The following XXYLT1 variants were observed in gnomAD, a reference collection of about 807,000 sequenced individuals.
The protein encoded by XXYLT1 is UDP-xylose:alpha-xyloside alpha-1,3-xylosyltransferase.
Under a neutral mutation model 28.9 loss-of-function variants are expected in XXYLT1, and 20 were observed. The observed-to-expected ratio is 0.69, with a 90% CI of 0.49 to 1.00. XXYLT1 has a LOEUF of 1.00. XXYLT1 is among the 50% of genes least tolerant of loss of function. XXYLT1 has a pLI of 0.00. For synonymous variants in XXYLT1, 257 were observed against 253.8 expected, an observed-to-expected ratio of 1.01 and a Z score of -0.12; for missense variants, 542 against 560.1, an observed-to-expected ratio of 0.97 and a Z score of 0.33.
At chr3:195,112,318 G>A (rs927168062) in intron 3 of XXYLT1, among the ~76,000 whole-genome samples, 1 of 152,118 alleles carries the variant, frequency 6.6e-6, no homozygotes, top group Admixed American at 6.5e-5. Flanking sequence ...CAGAAGATCT[G>A]TCCACACTGA....
In XXYLT1 at chr3:195,086,659, G is replaced by A. The variant is rs925195489; in HGVS notation, c.786-16548C>T. Among the ~76,000 whole-genome samples the A allele has an allele frequency of 1.1e-4, 16 of 152,278 alleles. 1 individual carries two copies. The highest frequency in any genetic ancestry group is 3.6e-4 in the African/African-American group (15 of 41,562). On this transcript the variant is annotated intron_variant, in intron 3 of 3. Coordinates refer to ENST00000310380, the MANE Select transcript of XXYLT1 (RefSeq NM_152531.5). ...AGGTATGAGGAAGGTCACTCTGGCT[G>A]GGTGGGCACTGGCATGGAGGAGGAA...
chr3:195,175,640 G>A, intron 2 of XXYLT1: 1 of 1,536,134 alleles, frequency 6.5e-7, no homozygotes, highest in South Asian at 1.2e-5. Context: ...CCCGCACTCT[G>A]CCTTCCTGGA....
chr3:195,099,526 C>T (rs1449394629), intron 3 of XXYLT1, among the ~76,000 whole-genome samples: 2 of 152,122 alleles, frequency 1.3e-5, no homozygotes, highest in Non-Finnish European at 2.9e-5. Flanking sequence ...AACCATCTGA[C>T]GAAGAATTAA....
chr3:195,192,517 G>A (rs1219378000), intron 2 of XXYLT1, among the ~76,000 whole-genome samples: 2 of 151,946 alleles, frequency 1.3e-5, no homozygotes, highest in African/African-American at 4.8e-5. Flanking sequence ...AGACAAAAGA[G>A]AGCACAAGAA....
rs140284838 is a variant in XXYLT1, at chr3:195,182,438, C to T, written c.653-25857G>A. 8.7e-3 allele frequency among the ~76,000 whole-genome samples: 1,320 copies of T among 152,228 alleles called. 22 individuals are homozygous for T. Among genetic ancestry groups the T allele is most frequent in the African/African-American group, 0.03 (1,261 of 41,512 alleles). ...AGAGACTGGAAGGTAACATCTCCAT[C>T]CTAAAGGTTCTAAGTCTCATTCTCC... On this transcript the variant is annotated intron_variant, in intron 2 of 3. Coordinates refer to ENST00000310380, the MANE Select transcript of XXYLT1 (RefSeq NM_152531.5).
chr3:195,099,948 C>T (rs377158310), intron 3 of XXYLT1, among the ~76,000 whole-genome samples: 74 of 151,930 alleles, frequency 4.9e-4, no homozygotes, highest in African/African-American at 1.7e-3. Flanking sequence ...ATCTGTTTCT[C>T]ACTGGGCACA....
At chr3:195,183,417 T>G (rs116035788) in intron 2 of XXYLT1, 1 of 152,206 alleles carries the variant, frequency 6.6e-6, no homozygotes, top group African/African-American at 2.4e-5. Flanking sequence ...CTGCCATGAT[T>G]GTAAGTTTCC....
chr3:195,106,477 C>T (rs188009060), intron 3 of XXYLT1, among the ~76,000 whole-genome samples: 6 of 152,396 alleles, frequency 3.9e-5, no homozygotes, highest in Non-Finnish European at 7.3e-5. Flanking sequence ...CCGGGCCTCA[C>T]GGCGGTGTCT....
At chr3:195,081,195 C>T (rs183760858) in intron 3 of XXYLT1, among the ~76,000 whole-genome samples, 24 of 151,184 alleles carry the variant, frequency 1.6e-4, no homozygotes, top group Admixed American at 3.9e-4. Context: ...GGATCGCTAA[C>T]GCTGCTGGTC....
intron 3 of XXYLT1, among the ~76,000 whole-genome samples, chr3:195,117,065 T>C (rs920846172): frequency 3.0e-4 from 46 of 151,630 alleles, no homozygotes; most frequent in Middle Eastern, 3.2e-3. Flanking sequence ...AGAATTGCTG[T>C]AGTTTATTGG....
At chr3:195,254,566 C>T (rs1273702988) in intron 1 of XXYLT1, among the ~76,000 whole-genome samples, 10 of 152,242 alleles carry the variant, frequency 6.6e-5, no homozygotes, top group Admixed American at 5.2e-4. Flanking sequence ...GCATCTGGAA[C>T]CTGGGCATCC....
At chr3:195,160,992 C>T (rs1462989971) in intron 2 of XXYLT1, among the ~76,000 whole-genome samples, 1 of 152,196 alleles carries the variant, frequency 6.6e-6, no homozygotes, top group African/African-American at 2.4e-5. Context: ...GGAATAGGGG[C>T]TACAAAGGAA....
intron 3 of XXYLT1, among the ~76,000 whole-genome samples, chr3:195,075,648 T>C (rs1411072670): frequency 6.6e-6 from 1 of 152,068 alleles, no homozygotes; most frequent in Admixed American, 6.5e-5. Flanking sequence ...ACACTAGCAC[T>C]TGGAGGAGAG....
chr3:195,197,687 G>A (rs546331288), intron 2 of XXYLT1, among the ~76,000 whole-genome samples: 1 of 152,138 alleles, frequency 6.6e-6, no homozygotes, highest in African/African-American at 2.4e-5. Context: ...TATCCCGTCC[G>A]CTCAGGATCA....
intron 2 of XXYLT1, among the ~76,000 whole-genome samples, chr3:195,170,496 G>A (rs1721353410): frequency 6.6e-6 from 1 of 152,192 alleles, no homozygotes; most frequent in African/African-American, 2.4e-5. Flanking sequence ...TTCACCACAA[G>A]ATGGTTGACT....
At chr3:195,228,486 CTTTTTT>C (rs897820464) in intron 1 of XXYLT1, among the ~76,000 whole-genome samples, 3 of 120,180 alleles carry the variant, frequency 2.5e-5, no homozygotes, top group East Asian at 2.5e-4. Flanking sequence ...CTATATTTCA[CTTTTTT>C]TTTTTTTTTT....
intron 1 of XXYLT1, among the ~76,000 whole-genome samples, chr3:195,230,137 T>C (rs1333803273): frequency 1.3e-5 from 2 of 152,244 alleles, no homozygotes; most frequent in Non-Finnish European, 2.9e-5. Flanking sequence ...TGATCAATGA[T>C]GTTGAGCACC....
chr3:195,257,033 G>A lies in XXYLT1; in HGVS notation c.504+13522C>T, dbSNP rs547007722. On this transcript the variant is annotated intron_variant, in intron 1 of 3. Transcript: ENST00000310380. The surrounding 1 kb of genome is among the most constrained non-coding windows in gnomAD (Gnocchi z 4.3). ...AAACACCGCTGACACTTCATGGCTAGTGTCAGGCTGGATGACTTTCTGCAG... is the reference window on the plus strand; with the variant it reads ...AAACACCGCTGACACTTCATGGCTAATGTCAGGCTGGATGACTTTCTGCAG... 6.6e-6 allele frequency among the ~76,000 whole-genome samples: 1 copy of A among 152,368 alleles called. No homozygotes were observed. Among genetic ancestry groups the A allele is most frequent in the East Asian group, 1.9e-4 (1 of 5,186 alleles).
chr3:195,249,756 C>T (rs534967027), intron 1 of XXYLT1, among the ~76,000 whole-genome samples: 6 of 152,318 alleles, frequency 3.9e-5, no homozygotes, highest in Non-Finnish European at 7.4e-5. Context: ...CAAACCCAAG[C>T]GCTGTCAAAA....
Sources: allele counts gnomAD v4.1 joint callset (sites outside exome capture counted in the v4.1 genomes callset), GRCh38; gene constraint gnomAD v4.1.1; non-coding constraint Gnocchi (gnomAD v3.1); transcripts MANE v1.5; gene names NCBI Gene and HGNC (gene_info 2026-07-23, HGNC 2026-07-21).